Variants in CCDC88A observed in about 807,000 individuals in gnomAD.
CCDC88A encodes the protein girdin.
In CCDC88A, 54 loss-of-function variants were observed where a neutral mutation model predicts 234.3. The observed-to-expected ratio is 0.23, with a 90% CI of 0.19 to 0.29. The LOEUF (loss-of-function observed/expected upper bound fraction) is 0.29, where lower values mean the gene tolerates loss of function less well. Ranked by LOEUF, CCDC88A falls within the 10% of genes least tolerant of loss-of-function variation. The pLI, the probability that CCDC88A is intolerant of heterozygous loss-of-function variation, is 1.00. For missense variants in CCDC88A, 1,832 were observed against 2,123.4 expected (o/e 0.86, Z 2.70); for synonymous variants, 753 against 737.8 (o/e 1.02, Z -0.33).
intron 16 of CCDC88A, chr2:55,331,934 T>C (rs954881836): frequency 2.0e-5 from 3 of 149,294 alleles, no homozygotes; most frequent in Non-Finnish European, 4.4e-5. Context: ...AACTTGCTTA[T>C]TTTTGTTTGT....
rs1679294830 is a variant in CCDC88A, at chr2:55,289,474, T to C, written c.*1726A>G. The C allele has an allele frequency of 6.6e-6, 1 of 152,358 alleles. No individual in the cohort carries two copies. The highest frequency in any genetic ancestry group is 1.5e-5 in the Non-Finnish European group (1 of 68,028). The allele number at this position is 152,358 out of a possible 1,614,324, so 9.4% of individuals were successfully genotyped here. Reference sequence around the variant, plus strand: ...TGAGAGAGAGAGATGTTTCAAAGTCTACGGAAAAGGTTTTAGATATTTCTG... The same window carrying C: ...TGAGAGAGAGAGATGTTTCAAAGTCCACGGAAAAGGTTTTAGATATTTCTG... On this transcript the variant is annotated 3_prime_UTR_variant, in exon 33 of 33. Coordinates refer to ENST00000436346, the MANE Select transcript of CCDC88A (RefSeq NM_001365480.1).
At position 55,315,668 on chromosome 2, in the gene CCDC88A, T is replaced by C. The variant is rs575496340; in HGVS notation, c.3933+260A>G. The C allele has an allele frequency of 3.5e-5, 9 of 257,164 alleles. No homozygotes were observed. In the East Asian group the frequency reaches 5.0e-4, roughly 14 times the overall value. The allele number at this position is 257,164 out of a possible 1,614,324, so 15.9% of individuals were successfully genotyped here. A position where few individuals can be genotyped will look rare whatever the true frequency, so the allele number is the denominator to read the frequency against. On this transcript the variant is annotated intron_variant, in intron 22 of 32. Coordinates refer to ENST00000436346, the MANE Select transcript of CCDC88A (RefSeq NM_001365480.1). ...TATAATTTCATGCCAGGTGTAAACA[T>C]TTTTTCATTAAATGAATAATTTTAC...
In CCDC88A at chr2:55,328,528, G is replaced by T; in HGVS notation, c.2856-93C>A. The T allele has an allele frequency of 1.1e-6, 1 of 875,000 alleles. No homozygotes were observed. The highest frequency in any genetic ancestry group is 1.6e-6 in the Non-Finnish European group (1 of 610,066). 54.2% of individuals were successfully genotyped at this position (875,000 alleles called of 1,614,324 possible). A position where few individuals can be genotyped will look rare whatever the true frequency, so the allele number is the denominator to read the frequency against. The stretch of plus-strand genomic sequence containing the variant: ...GACCACAAATATTCATGCCATAAAT[G>T]GGTCTTATAAAAGCATTTTTGTTAA... On this transcript the variant is annotated intron_variant, in intron 16 of 32. Transcript: ENST00000436346. This position sits in a 1 kb window ranked among gnomAD's most constrained non-coding sequence, Gnocchi z 4.3.
chr2:55,331,422 T>G (rs1295676613), intron 16 of CCDC88A, among the ~76,000 whole-genome samples: 1 of 152,200 alleles, frequency 6.6e-6, no homozygotes, highest in Non-Finnish European at 1.5e-5. Context: ...CCTATTTACT[T>G]TGAACATTCT....
At chr2:55,406,530 G>A (rs957241140) in intron 2 of CCDC88A, among the ~76,000 whole-genome samples, 1 of 152,132 alleles carries the variant, frequency 6.6e-6, no homozygotes, top group Non-Finnish European at 1.5e-5. Flanking sequence ...GAGGCAGGCT[G>A]ATCACTTGAG....
Position 55,388,833 on chromosome 2 carries a change from G to T in CCDC88A, c.218C>A (p.Ser73Ter). The T allele has an allele frequency of 6.5e-7, 1 of 1,544,982 alleles. No homozygotes were observed. Among genetic ancestry groups the T allele is most frequent in the Non-Finnish European group, 8.8e-7 (1 of 1,132,288 alleles). Reference protein sequence around the residue: ...RVNKKVNNDASLRMHNLSILV... With the variant: ...RVNKKVNNDA Reference sequence around the variant, plus strand: ...AATGGATAGATTGTGCATTCTAAGTGAGGCATCATTATTGACTTTTTTATT... The same window carrying T: ...AATGGATAGATTGTGCATTCTAAGTTAGGCATCATTATTGACTTTTTTATT... Residue 73 changes from serine (S) to a stop codon, truncating the protein, a stop_gained, in exon 3 of 33, where the codon TCA (serine) becomes TAA (stop). Transcript: ENST00000436346. LOFTEE classifies it high-confidence loss of function.
intron 18 of CCDC88A, 49 bp downstream of exon 18, chr2:55,322,479 C>A: frequency 9.5e-7 from 1 of 1,054,360 alleles, no homozygotes; most frequent in Non-Finnish European, 1.4e-6. Context: ...ATCCAGTGAT[C>A]CTCTATTTCT....
At chr2:55,410,075 C>T (rs1416121154) in intron 2 of CCDC88A, among the ~76,000 whole-genome samples, 1 of 152,008 alleles carries the variant, frequency 6.6e-6, no homozygotes, top group South Asian at 2.1e-4. Flanking sequence ...TCCAGGTGCC[C>T]AGAACTTTGC....
At position 55,291,723 on chromosome 2, in the gene CCDC88A, T is replaced by G; in HGVS notation, c.5604A>C (p.Gln1868His). ...SRNSKSRSRE[Q>H]QSS ...GTGGGTAATAGAATTAGGAGCTTTG[T>G]TGCTCCCTAGACCTGCTTTTTGAAT... Residue 1868 changes from glutamine (Q) to histidine (H), a missense_variant, in exon 32 of 33, where the codon CAA (glutamine) becomes CAC (histidine). Transcript: ENST00000436346. The G allele has an allele frequency of 6.2e-7, 1 of 1,609,262 alleles. No individual in the cohort carries two copies. The highest frequency in any genetic ancestry group is 8.5e-7 in the Non-Finnish European group (1 of 1,176,306).
intron 2 of CCDC88A, among the ~76,000 whole-genome samples, chr2:55,416,639 A>C (rs1326413687): frequency 6.6e-6 from 1 of 151,156 alleles, no homozygotes; most frequent in Non-Finnish European, 1.5e-5. Flanking sequence ...CTTGCTCACA[A>C]ATTCTGTAAC....
chr2:55,361,107 T>C (rs1671245893), intron 7 of CCDC88A, among the ~76,000 whole-genome samples: 1 of 151,982 alleles, frequency 6.6e-6, no homozygotes, highest in Non-Finnish European at 1.5e-5. Flanking sequence ...AAAAGTAAAA[T>C]AAAATATAAT....
Position 55,418,826 on chromosome 2 carries a change from T to A in CCDC88A, c.154A>T (p.Met52Leu). 6.2e-7 allele frequency: 1 copy of A among 1,613,130 alleles called. No homozygotes were observed. Reference protein sequence around the residue: ...LVDGVFLNQVMLQINPKLESQ... With the variant: ...LVDGVFLNQVLLQINPKLESQ... The stretch of plus-strand genomic sequence containing the variant: ...GAAGGAAGAACTTACATTTGGAGCA[T>A]GACCTGGTTCAAGAATACCCCATCC... The change falls in exon 2 of 33, where the codon ATG becomes TTG. Residue 52 changes from methionine (M) to leucine (L), a missense_variant. Around this residue, in one of 6 missense-constraint regions of CCDC88A, gnomAD observed 5 missense variants for 19.6 expected, o/e 0.25. Transcript: ENST00000436346.
intron 22 of CCDC88A, 70 bp from the exon 23 acceptor site, chr2:55,312,649 A>G: frequency 9.2e-7 from 1 of 1,083,898 alleles, no homozygotes; most frequent in East Asian, 2.5e-5. Flanking sequence ...AAAAATATGA[A>G]GTACTACACA....
chr2:55,316,124 G>A lies in CCDC88A; in HGVS notation c.3747-10C>T. ...ATAGGTATGATTCAGCCTATAATTAGAAATCATAGAAATATAATTAGATTA... is the reference window on the plus strand; with the variant it reads ...ATAGGTATGATTCAGCCTATAATTAAAAATCATAGAAATATAATTAGATTA... On this transcript the variant is annotated splice_polypyrimidine_tract_variant and intron_variant, in intron 21 of 32. Coordinates refer to ENST00000436346, the MANE Select transcript of CCDC88A (RefSeq NM_001365480.1). The A allele has an allele frequency of 1.8e-6, 2 of 1,138,016 alleles. No individual in the cohort carries two copies. Among genetic ancestry groups the A allele is most frequent in the Non-Finnish European group, 2.5e-6 (2 of 810,806 alleles). The allele number at this position is 1,138,016 out of a possible 1,614,324, so 70.5% of individuals were successfully genotyped here.
chr2:55,380,665 G>C (rs1173021493), intron 3 of CCDC88A, among the ~76,000 whole-genome samples: 1 of 152,092 alleles, frequency 6.6e-6, no homozygotes, highest in African/African-American at 2.4e-5. Context: ...ACCCAGGCCA[G>C]AGTGCAGCAG....
chr2:55,403,316 C>T (rs757793827), intron 2 of CCDC88A: 3 of 152,176 alleles, frequency 2.0e-5, no homozygotes, highest in South Asian at 2.1e-4. Context: ...AGATAATCAT[C>T]GCACTTTGTT....
intron 16 of CCDC88A, chr2:55,329,080 C>T (rs2589059): frequency 0.5 from 75,718 of 151,950 alleles, 21,152 homozygotes; most frequent in East Asian, 0.85. Context: ...ATGAAGACTC[C>T]TTATCTCAGG....
At chr2:55,377,461 T>A (rs943112597) in intron 3 of CCDC88A, among the ~76,000 whole-genome samples, 1 of 73,244 alleles carries the variant, frequency 1.4e-5, no homozygotes, top group Non-Finnish European at 3.0e-5. Context: ...CCCAGCGAGA[T>A]TTTTTTTTTA....
chr2:55,382,262 G>A (rs1020814931), intron 3 of CCDC88A, among the ~76,000 whole-genome samples: 2 of 152,142 alleles, frequency 1.3e-5, no homozygotes, highest in African/African-American at 2.4e-5. Context: ...CCTAAAAAGT[G>A]TCTATTTTCT....
Sources: allele counts gnomAD v4.1 joint callset (sites outside exome capture counted in the v4.1 genomes callset), GRCh38; gene constraint gnomAD v4.1.1; regional missense constraint gnomAD v4.1.1; non-coding constraint Gnocchi (gnomAD v3.1); transcripts MANE v1.5; gene names NCBI Gene and HGNC (gene_info 2026-07-23, HGNC 2026-07-21).